The following SLC36A1 variants were observed in gnomAD, a reference collection of about 807,000 sequenced individuals.
SLC36A1 encodes the protein solute carrier family 36 member 1, also known as proton-coupled amino acid transporter 1.
Under a neutral mutation model 47.5 loss-of-function variants are expected in SLC36A1, and 30 were observed. The observed-to-expected ratio is 0.63, with a 90% CI of 0.47 to 0.86. SLC36A1 has a LOEUF of 0.86. Ranked by LOEUF, SLC36A1 falls within the 40% of genes least tolerant of loss-of-function variation. The pLI, the probability that SLC36A1 is intolerant of heterozygous loss-of-function variation, is 0.00. For synonymous variants in SLC36A1, 255 were observed against 249.7 expected, an observed-to-expected ratio of 1.02 and a Z score of -0.20; for missense variants, 517 against 606.0, an observed-to-expected ratio of 0.85 and a Z score of 1.54.
the SLC36A1 span, among the ~76,000 whole-genome samples, chr5:151,364,995 C>T: frequency 6.6e-6 from 1 of 152,212 alleles, no homozygotes; most frequent in South Asian, 2.1e-4. Flanking sequence ...ATATGGCCAT[C>T]TCAGAACAAA....
the SLC36A1 span, chr5:151,521,603 C>A: frequency 2.5e-6 from 4 of 1,614,202 alleles, no homozygotes; most frequent in East Asian, 2.2e-5. Flanking sequence ...TGAATGTTAG[C>A]CCGTTTGATG....
At chr5:151,461,786 A>G (rs1477693782) in intron 2 of SLC36A1, among the ~76,000 whole-genome samples, 3 of 152,248 alleles carry the variant, frequency 2.0e-5, no homozygotes, top group Non-Finnish European at 4.4e-5. Context: ...GTCTTTGATG[A>G]AACTGTAGGA....
chr5:151,453,876 A>T (rs1305507876), intron 1 of SLC36A1, among the ~76,000 whole-genome samples: 1 of 151,648 alleles, frequency 6.6e-6, no homozygotes, highest in Admixed American at 6.6e-5. Context: ...AATAAAATTT[A>T]TTTTATTTTT....
Position 151,467,841 on chromosome 5 carries a change from C to A in SLC36A1, c.639C>A (p.Asn213Lys), listed in dbSNP as rs1258142974. The change falls in exon 7 of 11, where the codon AAC becomes AAA. Residue 213 changes from asparagine to lysine, a missense_variant. By Grantham distance (94) the Asn-to-Lys change is moderately conservative. Coordinates refer to ENST00000243389, the MANE Select transcript of SLC36A1 (RefSeq NM_078483.4). ...TGGTGCTGCTGGTTTTCATCAGGAA[C>A]CTCCGAGCCCTGTCCATCTTCTCCC... ...PFLVLLVFIR[N>K]LRALSIFSLL... is the part of the protein sequence containing the mutation. The A allele has an allele frequency of 2.5e-6, 4 of 1,613,916 alleles. No individual in the cohort carries two copies. The South Asian group carries it at 4.4e-5, about 18-fold the overall frequency.
intron 9 of SLC36A1, chr5:151,476,978 T>G: frequency 1.5e-6 from 1 of 674,998 alleles, no homozygotes; most frequent in Non-Finnish European, 2.7e-6. Context: ...GATCAGCCGA[T>G]GGGTAAGCCA....
At chr5:151,520,564 T>C in the SLC36A1 span, among the ~76,000 whole-genome samples, 2 of 152,222 alleles carry the variant, frequency 1.3e-5, no homozygotes, top group African/African-American at 4.8e-5. Flanking sequence ...TCACCGTTGA[T>C]CTGGGGCTTA....
chr5:151,468,266 A>AAAAATATATATAT (rs55642458), intron 7 of SLC36A1, among the ~76,000 whole-genome samples: 4 of 63,814 alleles, frequency 6.3e-5, no homozygotes, highest in African/African-American at 3.5e-4. Context: ...AAAAAAAAAA[A>AAAAATATATATAT]ATATATATAT....
chr5:151,429,357 C>T, the SLC36A1 span, among the ~76,000 whole-genome samples: 1 of 103,252 alleles, frequency 9.7e-6, no homozygotes, highest in Non-Finnish European at 1.8e-5. Flanking sequence ...CCTCCCCCCA[C>T]CCCACAACAG....
chr5:151,547,605 T>C, the SLC36A1 span, among the ~76,000 whole-genome samples: 1 of 152,246 alleles, frequency 6.6e-6, no homozygotes, highest in Non-Finnish European at 1.5e-5. Context: ...CTTCTCCAGC[T>C]GACTGGTTAG....
chr5:151,443,550 TAC>T (rs1435110199), upstream of SLC36A1, among the ~76,000 whole-genome samples: 1 of 152,222 alleles, frequency 6.6e-6, no homozygotes, highest in Admixed American at 6.5e-5. Context: ...GAGTTTTTGA[TAC>T]ATTTTGGATA....
the SLC36A1 span, among the ~76,000 whole-genome samples, chr5:151,533,975 T>C: frequency 6.6e-6 from 1 of 152,092 alleles, no homozygotes; most frequent in African/African-American, 2.4e-5. Context: ...TTGAAAAGGG[T>C]TCAACTTCAC....
the SLC36A1 span, among the ~76,000 whole-genome samples, chr5:151,351,680 C>T: frequency 5.1e-4 from 78 of 152,178 alleles, no homozygotes; most frequent in East Asian, 0.014. Flanking sequence ...CATACTGTAA[C>T]GAGAGCTACC....
the SLC36A1 span, among the ~76,000 whole-genome samples, chr5:151,357,238 A>G: frequency 1.3e-5 from 2 of 152,312 alleles, no homozygotes; most frequent in South Asian, 4.1e-4. Flanking sequence ...ACAGGCCCAC[A>G]TAGCTAAGGG....
the SLC36A1 span, among the ~76,000 whole-genome samples, chr5:151,357,912 T>G: frequency 6.6e-6 from 1 of 152,202 alleles, no homozygotes; most frequent in Non-Finnish European, 1.5e-5. Context: ...AGTGTTTAAT[T>G]GAGCAAAGAA....
At chr5:151,528,319 TATTC>T in the SLC36A1 span, among the ~76,000 whole-genome samples, 9 of 152,320 alleles carry the variant, frequency 5.9e-5, no homozygotes, top group East Asian at 1.7e-3. Context: ...TGCCATGGTT[TATTC>T]ATTCACTCAC....
At chr5:151,382,175 G>T in the SLC36A1 span, 1 of 1,039,072 alleles carries the variant, frequency 9.6e-7, no homozygotes. Context: ...TGGTGTGCAT[G>T]GCACTGAATG....
chr5:151,361,807 ACTT>A, the SLC36A1 span, among the ~76,000 whole-genome samples: 1 of 152,102 alleles, frequency 6.6e-6, no homozygotes, highest in East Asian at 1.9e-4. Flanking sequence ...TCTGGGAAAG[ACTT>A]CTTCATATTT....
chr5:151,449,707 T>G (rs1753334491), intron 1 of SLC36A1, among the ~76,000 whole-genome samples: 1 of 152,230 alleles, frequency 6.6e-6, no homozygotes, highest in Admixed American at 6.5e-5. Flanking sequence ...TTAAAAACTT[T>G]CAAAGAATTA....
At chr5:151,516,844 G>A in the SLC36A1 span, among the ~76,000 whole-genome samples, 1 of 152,158 alleles carries the variant, frequency 6.6e-6, no homozygotes, top group Admixed American at 6.5e-5. Context: ...AGTGGTTCAT[G>A]CCTGTAATCC....
Sources: allele counts gnomAD v4.1 joint callset (sites outside exome capture counted in the v4.1 genomes callset), GRCh38; gene constraint gnomAD v4.1.1; transcripts MANE v1.5; gene names NCBI Gene and HGNC (gene_info 2026-07-23, HGNC 2026-07-21).